The following PYGB variants were observed in gnomAD, a reference collection of about 807,000 sequenced individuals.
The protein encoded by PYGB is glycogen phosphorylase B, also known as glycogen phosphorylase, brain form.
PYGB carries 82 observed loss-of-function variants against 94.3 expected under a neutral mutation model. The observed-to-expected ratio is 0.87, with a 90% CI of 0.73 to 1.04. The LOEUF is 1.04. Ranked by LOEUF, PYGB falls within the 50% of genes least tolerant of loss-of-function variation. The probability of loss-of-function intolerance (pLI) is 0.00; values close to 1 mark genes in which losing one functional copy is unlikely to be tolerated. For synonymous variants in PYGB, 488 were observed against 479.1 expected, an observed-to-expected ratio of 1.02 and a Z score of -0.24; for missense variants, 1,132 against 1,158.2, an observed-to-expected ratio of 0.98 and a Z score of 0.33.
intron 2 of PYGB, among the ~76,000 whole-genome samples, chr20:25,267,641 C>T (rs191199919): frequency 7.2e-5 from 11 of 152,302 alleles, no homozygotes; most frequent in Admixed American, 7.2e-4. Flanking sequence ...AGCCATCCTT[C>T]CGCCTCAGCC....
chr20:25,263,762 C>G (rs960242697), intron 2 of PYGB, among the ~76,000 whole-genome samples: 9 of 152,186 alleles, frequency 5.9e-5, no homozygotes, highest in African/African-American at 2.2e-4. Flanking sequence ...AGACCAATAA[C>G]AGGCTTTGAA....
rs117228819 is a variant in PYGB, at chr20:25,281,135, C to T, written c.1403+23C>T. The T allele has an allele frequency of 4.0e-3, 6,518 of 1,612,604 alleles. 381 individuals carry two copies. In the East Asian group the frequency reaches 0.12, roughly 31 times the overall value. ...GGTGTGAGTGGGGCGCTTGCCCGAG[C>T]GGGGCCAGCTCTGTCTGACACCCAG... is the stretch of plus-strand genomic sequence containing the variant. On this transcript the variant is annotated intron_variant, in intron 11 of 19. Coordinates refer to ENST00000216962, the MANE Select transcript of PYGB (RefSeq NM_002862.4).
At chr20:25,267,473 G>C (rs2088227965) in intron 2 of PYGB, among the ~76,000 whole-genome samples, 1 of 152,186 alleles carries the variant, frequency 6.6e-6, no homozygotes, top group Non-Finnish European at 1.5e-5. Flanking sequence ...CTCTTTTTCT[G>C]TCTTCAGTTC....
Position 25,259,288 on chromosome 20 carries a change from A to G in PYGB, c.295A>G (p.Thr99Ala). 6.2e-7 allele frequency: 1 copy of G among 1,612,752 alleles called. No individual in the cohort carries two copies. Among genetic ancestry groups the G allele is most frequent in the Non-Finnish European group, 8.5e-7 (1 of 1,178,698 alleles). ...EFYMGRTLQN[T>A]MVNLGLQNAC... ...CTACATGGGTCGCACGCTGCAGAACACGATGGTGAACCTGGGCCTTCAGAA... is the reference window on the plus strand; with the variant it reads ...CTACATGGGTCGCACGCTGCAGAACGCGATGGTGAACCTGGGCCTTCAGAA... Residue 99 changes from threonine (T) to alanine (A), a missense_variant, in exon 2 of 20, where the codon ACG becomes GCG. Transcript: ENST00000216962.
At chr20:25,290,152 C>T (rs975294296) in intron 15 of PYGB, among the ~76,000 whole-genome samples, 1 of 152,204 alleles carries the variant, frequency 6.6e-6, no homozygotes, top group African/African-American at 2.4e-5. Flanking sequence ...CAGTATGTCC[C>T]TAGGGACAGT....
chr20:25,288,537 G>A (rs1256917768), intron 15 of PYGB, 54 bp downstream of exon 15: 2 of 1,583,648 alleles, frequency 1.3e-6, no homozygotes, highest in Non-Finnish European at 1.7e-6. Flanking sequence ...GGGATAGTGG[G>A]TGGGCAGCCT....
Position 25,281,110 on chromosome 20 carries a change from G to T in PYGB, c.1401G>T (p.Ser467=). 6.2e-7 allele frequency: 1 copy of T among 1,614,062 alleles called. No homozygotes were observed. Among genetic ancestry groups the T allele is most frequent in the Non-Finnish European group, 8.5e-7 (1 of 1,179,952 alleles). The change falls in exon 11 of 20, where the codon TCG becomes TCT. Residue 467 remains serine, a splice_region_variant and synonymous_variant. Coordinates refer to ENST00000216962, the MANE Select transcript of PYGB (RefSeq NM_002862.4). ...ARIHSEIVKQ[S]VFKDFYELEP... is the part of the protein sequence containing the mutation. ...TCCACTCGGAGATCGTGAAACAGTC[G>T]GTGTGAGTGGGGCGCTTGCCCGAGC...
intron 5 of PYGB, among the ~76,000 whole-genome samples, chr20:25,275,354 C>T (rs2088301725): frequency 6.6e-6 from 1 of 152,244 alleles, no homozygotes; most frequent in Admixed American, 6.5e-5. Context: ...AGCACCCAGT[C>T]CAGGCTCCGG....
At chr20:25,264,000 C>T (rs1316580556) in intron 2 of PYGB, among the ~76,000 whole-genome samples, 1 of 151,870 alleles carries the variant, frequency 6.6e-6, no homozygotes, top group Admixed American at 6.5e-5. Flanking sequence ...AGACCAATAT[C>T]CCTGATGAAC....
At chr20:25,271,007 G>T (rs2088261622) in intron 3 of PYGB, among the ~76,000 whole-genome samples, 1 of 152,152 alleles carries the variant, frequency 6.6e-6, no homozygotes, top group South Asian at 2.1e-4. Flanking sequence ...GTGTTGATGT[G>T]TCCCTGCTGT....
intron 17 of PYGB, among the ~76,000 whole-genome samples, chr20:25,293,624 G>A (rs1162592604): frequency 3.9e-5 from 6 of 152,146 alleles, no homozygotes; most frequent in Admixed American, 6.5e-5. Context: ...CCCTTTCTGC[G>A]CCCTCACACA....
At chr20:25,275,115 C>T (rs1265202260) in intron 5 of PYGB, among the ~76,000 whole-genome samples, 1 of 152,246 alleles carries the variant, frequency 6.6e-6, no homozygotes. Flanking sequence ...ACAGCTCCCA[C>T]TATCTCTGTG....
At chr20:25,278,234 C>G in intron 7 of PYGB, 85 bp from the exon 8 acceptor site, 2 of 1,488,064 alleles carry the variant, frequency 1.3e-6, no homozygotes, top group Non-Finnish European at 1.8e-6. Flanking sequence ...TCTGCCTGCA[C>G]CTTTGAGCCA....
chr20:25,251,202 A>AGTGGTGGC (rs1462814343), intron 1 of PYGB: 2 of 152,226 alleles, frequency 1.3e-5, no homozygotes, highest in African/African-American at 4.8e-5. Context: ...GATTCTCTGA[A>AGTGGTGGC]GTGGTGGCAA....
chr20:25,271,369 A>G lies in PYGB; in HGVS notation c.425-14A>G. 1 of 1,612,472 alleles carries G rather than the reference A, an allele frequency of 6.2e-7. No individual in the cohort carries two copies. The highest frequency in any genetic ancestry group is 8.5e-7 in the Non-Finnish European group (1 of 1,178,792). On this transcript the variant is annotated splice_polypyrimidine_tract_variant and intron_variant, in intron 3 of 19. Transcript: ENST00000216962. ...TGCCTTTGATTCTGACTGATTTGTG[A>G]TTGATTTTTTCAGCGTGTTTCCTTG... is the stretch of plus-strand genomic sequence containing the variant.
chr20:25,271,023 C>A (rs2088261709), intron 3 of PYGB, among the ~76,000 whole-genome samples: 1 of 152,176 alleles, frequency 6.6e-6, no homozygotes. Context: ...GCTGTCAGAA[C>A]AGCCTGGGTT....
At chr20:25,283,540 G>A (rs1035069136) in intron 13 of PYGB, among the ~76,000 whole-genome samples, 10 of 152,308 alleles carry the variant, frequency 6.6e-5, no homozygotes, top group South Asian at 2.1e-4. Flanking sequence ...AGCCCTGCCC[G>A]TGCCTCGACC....
At chr20:25,277,563 C>T (rs2088325215) in intron 7 of PYGB, among the ~76,000 whole-genome samples, 2 of 152,160 alleles carry the variant, frequency 1.3e-5, no homozygotes, top group Non-Finnish European at 2.9e-5. Context: ...GTCCTCTCTC[C>T]GAGGACACTC....
At chr20:25,293,735 T>C (rs2088497036) in intron 17 of PYGB, among the ~76,000 whole-genome samples, 1 of 152,210 alleles carries the variant, frequency 6.6e-6, no homozygotes, top group African/African-American at 2.4e-5. Flanking sequence ...CTTGCGTTTT[T>C]CCTTTTCCAT....
Sources: gnomAD v4.1 joint callset for allele counts (sites outside exome capture counted in the v4.1 genomes callset) on GRCh38, gnomAD v4.1.1 for gene constraint, MANE v1.5 for transcripts, NCBI Gene and HGNC (gene_info 2026-07-23, HGNC 2026-07-21) for gene names.